Variants in FOCAD observed in about 807,000 individuals in gnomAD.
FOCAD encodes the protein focadhesin.
A neutral mutation model predicts 225.6 loss-of-function variants in FOCAD; 198 were observed. That is an observed-to-expected ratio of 0.88 (90% CI 0.78 to 0.99). FOCAD has a LOEUF of 0.99. Among genes scored for constraint, FOCAD ranks in the 50% least tolerant of loss-of-function variants. The probability of loss-of-function intolerance (pLI) is 0.00; values close to 1 mark genes in which losing one functional copy is unlikely to be tolerated. For synonymous variants in FOCAD, 897 were observed against 755.0 expected (o/e 1.19, Z -3.08); for missense variants, 2,713 against 2,123.6 (o/e 1.28, Z -5.46).
intron 1 of FOCAD, among the ~76,000 whole-genome samples, chr9:20,707,884 A>G (rs1824521558): frequency 1.3e-5 from 2 of 152,220 alleles, no homozygotes; most frequent in South Asian, 4.1e-4. Flanking sequence ...AAGTGTGAGC[A>G]GGTGTCAGGA....
chr9:20,667,076 C>T (rs1410500498), intron 2 of FOCAD, among the ~76,000 whole-genome samples: 1 of 152,172 alleles, frequency 6.6e-6, no homozygotes, highest in African/African-American at 2.4e-5. Context: ...CAGTTTCCTC[C>T]ATTGTTCTCT....
At chr9:20,992,803 A>G (rs1247375183) in intron 42 of FOCAD, among the ~76,000 whole-genome samples, 1 of 152,092 alleles carries the variant, frequency 6.6e-6, no homozygotes, top group African/African-American at 2.4e-5. Context: ...ACTAAGAAAA[A>G]AATACAAAAA....
intron 21 of FOCAD, among the ~76,000 whole-genome samples, chr9:20,888,315 T>A (rs1831300297): frequency 6.6e-6 from 1 of 151,924 alleles, no homozygotes; most frequent in Admixed American, 6.6e-5. Context: ...ATTTTTGTAT[T>A]TTTAGTAGAG....
intron 11 of FOCAD, among the ~76,000 whole-genome samples, chr9:20,793,229 A>C (rs1820719600): frequency 6.6e-6 from 1 of 152,238 alleles, no homozygotes; most frequent in Non-Finnish European, 1.5e-5. Flanking sequence ...GCCTGCCAGC[A>C]TGAAGCAATT....
intron 2 of FOCAD, among the ~76,000 whole-genome samples, chr9:20,678,183 T>G (rs1205211882): frequency 1.3e-5 from 2 of 152,178 alleles, no homozygotes; most frequent in African/African-American, 4.8e-5. Flanking sequence ...CACATAAAAA[T>G]TTGGATTATT....
intron 1 of FOCAD, among the ~76,000 whole-genome samples, chr9:20,693,783 T>C (rs1823126348): frequency 6.6e-6 from 1 of 152,230 alleles, no homozygotes; most frequent in African/African-American, 2.4e-5. Context: ...CAATCTTGGC[T>C]CACTGCAACC....
Position 20,952,969 on chromosome 9 carries a change from T to C in FOCAD, c.4052-16T>C. The C allele has an allele frequency of 6.2e-7, 1 of 1,607,976 alleles. No individual in the cohort carries two copies. The highest frequency in any genetic ancestry group is 8.5e-7 in the Non-Finnish European group (1 of 1,175,014). On this transcript the variant is annotated splice_polypyrimidine_tract_variant and intron_variant, in intron 34 of 43. Transcript: ENST00000338382. The stretch of plus-strand genomic sequence containing the variant: ...CCAAGTTCACTGGTTAATTTGATCA[T>C]TTTCTGTCTCCACAGTTCCTACTGA...
upstream of FOCAD, among the ~76,000 whole-genome samples, chr9:20,681,577 C>G (rs570522790): frequency 6.6e-6 from 1 of 152,206 alleles, no homozygotes. Context: ...GAGATCCTTT[C>G]TAGTTCTAAA....
At chr9:20,713,985 A>G (rs771686464) in intron 1 of FOCAD, among the ~76,000 whole-genome samples, 6 of 152,214 alleles carry the variant, frequency 3.9e-5, no homozygotes, top group East Asian at 1.9e-4. Flanking sequence ...TGGAATGTCA[A>G]ATTCGGGGAG....
At chr9:20,912,729 T>C (rs927216060) in intron 22 of FOCAD, 137 bp from the exon 23 acceptor site, 3 of 614,686 alleles carry the variant, frequency 4.9e-6, no homozygotes, top group Non-Finnish European at 8.7e-6. Flanking sequence ...TCCTCACACA[T>C]CCTCTTTCAT....
chr9:20,827,281 C>T (rs1824997641), intron 15 of FOCAD, among the ~76,000 whole-genome samples: 1 of 152,024 alleles, frequency 6.6e-6, no homozygotes, highest in African/African-American at 2.4e-5. Context: ...CTGGACATTT[C>T]TTATAAACAA....
Position 20,927,249 on chromosome 9 carries a change from A to G in FOCAD, c.3078+832A>G, listed in dbSNP as rs962380426. Among the ~76,000 whole-genome samples the G allele has an allele frequency of 8.5e-5, 13 of 152,230 alleles. 1 individual carries two copies. The highest frequency in any genetic ancestry group is 2.6e-4 in the African/African-American group (11 of 41,542). On this transcript the variant is annotated intron_variant, in intron 26 of 43. Coordinates refer to ENST00000338382, the MANE Select transcript of FOCAD (RefSeq NM_001375567.1). ...ATTTCAGATTGTGTGACTTTGGGCAATTCACTCAACCTCTTTGAGTCTTTT... is the reference window on the plus strand; with the variant it reads ...ATTTCAGATTGTGTGACTTTGGGCAGTTCACTCAACCTCTTTGAGTCTTTT...
chr9:20,949,502 CTG>C, intron 32 of FOCAD, 100 bp from the exon 33 acceptor site: 1 of 750,646 alleles, frequency 1.3e-6, no homozygotes, highest in East Asian at 3.0e-5. Flanking sequence ...TAATGATAAA[CTG>C]TTTTATAACT....
intron 31 of FOCAD, 41 bp downstream of exon 31, chr9:20,948,434 T>G (rs932434248): frequency 1.3e-6 from 2 of 1,593,108 alleles, no homozygotes; most frequent in Non-Finnish European, 1.7e-6. Flanking sequence ...ATTTTTATAA[T>G]GGAAAAAGAA....
intron 15 of FOCAD, among the ~76,000 whole-genome samples, chr9:20,845,932 TG>T (rs1827059227): frequency 6.6e-6 from 1 of 152,152 alleles, no homozygotes; most frequent in Non-Finnish European, 1.5e-5. Context: ...AACTATATGA[TG>T]CATTGAAATA....
chr9:20,901,752 A>G (rs1832584007), intron 21 of FOCAD, among the ~76,000 whole-genome samples: 1 of 151,922 alleles, frequency 6.6e-6, no homozygotes. Context: ...TTTCAAATAT[A>G]CTTAATTAAA....
At chr9:20,842,127 A>T (rs1356437023) in intron 15 of FOCAD, among the ~76,000 whole-genome samples, 4 of 149,720 alleles carry the variant, frequency 2.7e-5, no homozygotes, top group Non-Finnish European at 4.5e-5. Context: ...ACTTTACATG[A>T]TTTTTTTTTT....
chr9:20,906,078 C>T (rs1832949878), intron 21 of FOCAD, among the ~76,000 whole-genome samples: 1 of 151,922 alleles, frequency 6.6e-6, no homozygotes, highest in East Asian at 1.9e-4. Context: ...TCTCTGCAGA[C>T]ACAGACTGAT....
intron 15 of FOCAD, among the ~76,000 whole-genome samples, chr9:20,843,425 C>T (rs1826750999): frequency 6.6e-6 from 1 of 152,086 alleles, no homozygotes; most frequent in South Asian, 2.1e-4. Context: ...ATATGTCATG[C>T]CACTCTCTCC....
Sources: allele counts gnomAD v4.1 joint callset (sites outside exome capture counted in the v4.1 genomes callset), GRCh38; gene constraint gnomAD v4.1.1; transcripts MANE v1.5; gene names NCBI Gene and HGNC (gene_info 2026-07-23, HGNC 2026-07-21).